THSD4: variants seen among roughly 807,000 people sequenced by gnomAD.
THSD4 encodes thrombospondin type-1 domain-containing protein 4.
A neutral mutation model predicts 119.0 loss-of-function variants in THSD4; 69 were observed. The ratio of observed to expected loss-of-function variants is 0.58; its 90% CI spans 0.48 to 0.71. The LOEUF (loss-of-function observed/expected upper bound fraction) is 0.71, where lower values mean the gene tolerates loss of function less well. THSD4 is among the 30% of genes least tolerant of loss of function. The pLI is 0.00. For missense variants in THSD4, 1,393 were observed against 1,391.1 expected (o/e 1.00, Z -0.02); for synonymous variants, 524 against 540.4 (o/e 0.97, Z 0.42).
At chr15:71,614,238 C>T (rs2047686) in intron 7 of THSD4, among the ~76,000 whole-genome samples, 28,978 of 152,188 alleles carry the variant, frequency 0.19, 3,101 homozygotes, top group Non-Finnish European at 0.24. Flanking sequence ...TGCATTTCCT[C>T]GCCACCATTT....
intron 1 of THSD4, 33 bp from the exon 2 acceptor site, chr15:71,141,416 T>C: frequency 1.7e-6 from 2 of 1,160,298 alleles, no homozygotes; most frequent in Non-Finnish European, 2.4e-6. Flanking sequence ...CCTAAGTAAA[T>C]GTTGCTAAAA....
intron 8 of THSD4, among the ~76,000 whole-genome samples, chr15:71,670,595 C>T (rs2051505057): frequency 6.6e-6 from 1 of 151,582 alleles, no homozygotes; most frequent in African/African-American, 2.4e-5. Flanking sequence ...TGTGCTGCAC[C>T]CATTAACTTG....
Position 71,783,277 on chromosome 15 carries a change from T to C in THSD4, c.*5903T>C, listed in dbSNP as rs2054024691. 6.6e-6 allele frequency: 1 copy of C among 152,276 alleles called. No individual in the cohort carries two copies. Among genetic ancestry groups the C allele is most frequent in the Non-Finnish European group, 1.5e-5 (1 of 68,048 alleles). The allele number at this position is 152,276 out of a possible 1,614,324, so 9.4% of individuals were successfully genotyped here. On this transcript the variant is annotated 3_prime_UTR_variant, in exon 18 of 18. Transcript: ENST00000261862. ...GATACAATAAACCGGTTGAAATATC[T>C]GCTTTGTTGACAAGCGTGTGCTTTC...
In THSD4 at chr15:71,256,640, C is replaced by G; in HGVS notation, c.940C>G (p.Arg314Gly). ...ATGTCCAGAAAGCAGTAGAAGTATC[C>G]GGGAGGTACAGTGTGCATCCTACAA... ...NVCPESSRSI[R>G]EVQCASYNNK... The change falls in exon 6 of 18, where the codon CGG (arginine) becomes GGG (glycine). Residue 314 changes from arginine (R) to glycine (G), a missense_variant. Physicochemically the swap from Arg to Gly is moderately radical, Grantham distance 125. Coordinates refer to ENST00000261862, the MANE Select transcript of THSD4 (RefSeq NM_024817.3). 6.2e-7 allele frequency: 1 copy of G among 1,613,744 alleles called. No homozygotes were observed. Among genetic ancestry groups the G allele is most frequent in the Admixed American group, 1.7e-5 (1 of 59,978 alleles).
chr15:71,224,490 G>A (rs2043998756), intron 4 of THSD4, among the ~76,000 whole-genome samples: 2 of 152,152 alleles, frequency 1.3e-5, no homozygotes. Context: ...CCAAGAAGCC[G>A]GGGTTAACTG....
intron 4 of THSD4, among the ~76,000 whole-genome samples, chr15:71,226,207 A>G (rs1311988928): frequency 6.6e-6 from 1 of 152,160 alleles, no homozygotes; most frequent in Non-Finnish European, 1.5e-5. Context: ...CAAATGAGGT[A>G]ACAGCTGTAA....
At position 71,384,391 on chromosome 15, in the gene THSD4, A is replaced by C. The variant is rs372054947; in HGVS notation, c.1016-27296A>C. Among the ~76,000 whole-genome samples, 87 of 152,262 alleles carry C rather than the reference A, an allele frequency of 5.7e-4. 2 individuals carry two copies. The South Asian group carries it at 0.017, about 29-fold the overall frequency. ...GAGCAAGACTCCGTCTCAAAAAAAAAACAAAAACATGAAACTATTTTGTGT... is the reference window on the plus strand; with the variant it reads ...GAGCAAGACTCCGTCTCAAAAAAAACACAAAAACATGAAACTATTTTGTGT... On this transcript the variant is annotated intron_variant, in intron 6 of 17. Transcript: ENST00000261862.
At chr15:71,604,386 A>C (rs2050068540) in intron 7 of THSD4, among the ~76,000 whole-genome samples, 1 of 152,206 alleles carries the variant, frequency 6.6e-6, no homozygotes, top group Non-Finnish European at 1.5e-5. Context: ...ATTTATTGTC[A>C]CACAGTTTTA....
chr15:71,285,855 A>C (rs1313072306), intron 6 of THSD4, among the ~76,000 whole-genome samples: 2 of 5,670 alleles, frequency 3.5e-4, no homozygotes, highest in Non-Finnish European at 8.2e-4. Flanking sequence ...CTCCGTCTCA[A>C]AAAAAAAAAA....
rs1382015282 is a variant in THSD4 at position 71,780,991 on chromosome 15, A to G, written c.*3617A>G. 5 of 345,454 alleles carry G rather than the reference A, an allele frequency of 1.4e-5. No individual in the cohort carries two copies. The highest frequency in any genetic ancestry group is 4.3e-5 in the African/African-American group (2 of 46,676). 21.4% of individuals were successfully genotyped at this position (345,454 alleles called of 1,614,324 possible). A position where few individuals can be genotyped will look rare whatever the true frequency, so the allele number is the denominator to read the frequency against. On this transcript the variant is annotated 3_prime_UTR_variant, in exon 18 of 18. Transcript: ENST00000261862. ...TAGCCACTTTATAGTTGGAATATCA[A>G]TTCTAATGAGGAGGAAGACATAAAT...
At chr15:71,649,318 G>C (rs562868594) in intron 7 of THSD4, among the ~76,000 whole-genome samples, 39 of 152,230 alleles carry the variant, frequency 2.6e-4, no homozygotes, top group Admixed American at 7.2e-4. Flanking sequence ...TTGTTGCCCA[G>C]GCTGGAGTGC....
At position 71,597,361 on chromosome 15, in the gene THSD4, G is replaced by A. The variant is rs550899781; in HGVS notation, c.1153-63169G>A. On this transcript the variant is annotated intron_variant, in intron 7 of 17. Transcript: ENST00000261862. ...AGAGATTCAGAAAGTTGCTAAATAG[G>A]TACAGGCACGTGCACACACACACAC... Among the ~76,000 whole-genome samples the A allele has an allele frequency of 3.3e-5, 5 of 152,024 alleles. No homozygotes were observed. The East Asian group carries it at 9.7e-4, about 29-fold the overall frequency.
chr15:71,462,828 A>T (rs953012259), intron 7 of THSD4, among the ~76,000 whole-genome samples: 3 of 152,234 alleles, frequency 2.0e-5, no homozygotes, highest in African/African-American at 4.8e-5. Flanking sequence ...TGTGGTATCC[A>T]TTCATTTGTG....
intron 6 of THSD4, among the ~76,000 whole-genome samples, chr15:71,405,810 T>G (rs2046597719): frequency 6.6e-6 from 1 of 152,364 alleles, no homozygotes; most frequent in Non-Finnish European, 1.5e-5. Context: ...TAGATCTTCC[T>G]TAATTTATTT....
At chr15:71,671,944 C>G (rs944500848) in intron 8 of THSD4, among the ~76,000 whole-genome samples, 2 of 152,126 alleles carry the variant, frequency 1.3e-5, no homozygotes, top group African/African-American at 4.8e-5. Flanking sequence ...GTTCTTTTGG[C>G]TTAGGATTGT....
intron 7 of THSD4, among the ~76,000 whole-genome samples, chr15:71,504,728 A>G (rs2048163216): frequency 6.6e-6 from 1 of 152,224 alleles, no homozygotes; most frequent in African/African-American, 2.4e-5. Context: ...ACTAGGGTAC[A>G]TTTATGAAAA....
intron 8 of THSD4, among the ~76,000 whole-genome samples, chr15:71,676,529 C>G (rs1380423882): frequency 2.6e-5 from 4 of 152,158 alleles, no homozygotes; most frequent in Non-Finnish European, 5.9e-5. Flanking sequence ...ATCTGCCCAC[C>G]TCGGCCTCCC....
chr15:71,670,165 T>G (rs2051494583), intron 8 of THSD4, among the ~76,000 whole-genome samples: 1 of 151,994 alleles, frequency 6.6e-6, no homozygotes, highest in Non-Finnish European at 1.5e-5. Context: ...CTGTGCCATG[T>G]TGGTTTGCTG....
intron 7 of THSD4, among the ~76,000 whole-genome samples, chr15:71,487,681 C>A (rs192566000): frequency 6.6e-6 from 1 of 152,292 alleles, no homozygotes; most frequent in Non-Finnish European, 1.5e-5. Context: ...GAATGTTGTT[C>A]AAATGTTTGT....
Sources: allele counts gnomAD v4.1 joint callset (sites outside exome capture counted in the v4.1 genomes callset), GRCh38; gene constraint gnomAD v4.1.1; transcripts MANE v1.5; gene names NCBI Gene and HGNC (gene_info 2026-07-23, HGNC 2026-07-21).